Variants in NOVA1 observed in about 807,000 individuals in gnomAD.
NOVA1 encodes the protein RNA-binding protein Nova-1.
In NOVA1, 7 loss-of-function variants were observed where a neutral mutation model predicts 38.0. That is an observed-to-expected ratio of 0.18 (90% confidence interval 0.10 to 0.35). NOVA1 has a LOEUF of 0.35. NOVA1 is among the 10% of genes least tolerant of loss of function. The pLI is 1.00. For missense variants in NOVA1, 460 were observed against 616.0 expected (o/e 0.75, Z 2.68); for synonymous variants, 270 against 232.5 (o/e 1.16, Z -1.47).
intron 2 of NOVA1, among the ~76,000 whole-genome samples, chr14:26,487,188 C>G (rs1885985888): frequency 6.6e-6 from 1 of 152,138 alleles, no homozygotes; most frequent in Admixed American, 6.5e-5. Flanking sequence ...TACATTCTTT[C>G]AGGGGAAAGT....
chr14:26,581,642 T>A (rs1332489099), intron 2 of NOVA1, among the ~76,000 whole-genome samples: 1 of 151,978 alleles, frequency 6.6e-6, no homozygotes, highest in Non-Finnish European at 1.5e-5. Context: ...TTCCTTTCAA[T>A]GGCAAAATTT....
At chr14:26,571,206 G>C (rs1892450550) in intron 2 of NOVA1, among the ~76,000 whole-genome samples, 1 of 151,524 alleles carries the variant, frequency 6.6e-6, no homozygotes, top group Non-Finnish European at 1.5e-5. Context: ...TAGAAACTAG[G>C]ACCCAGAAAA....
intron 2 of NOVA1, among the ~76,000 whole-genome samples, chr14:26,483,552 A>G (rs982897096): frequency 2.0e-5 from 3 of 152,230 alleles, no homozygotes; most frequent in African/African-American, 7.2e-5. Flanking sequence ...GGTATTACCA[A>G]CTGATTTCAA....
chr14:26,456,243 T>TA (rs1239410983), intron 4 of NOVA1, among the ~76,000 whole-genome samples: 1 of 151,924 alleles, frequency 6.6e-6, no homozygotes, highest in Non-Finnish European at 1.5e-5. Flanking sequence ...GCTGTGTTCA[T>TA]TGAAGTAGAT....
At chr14:26,533,647 A>G (rs1383342629) in intron 2 of NOVA1, among the ~76,000 whole-genome samples, 6 of 152,308 alleles carry the variant, frequency 3.9e-5, no homozygotes, top group African/African-American at 1.4e-4. Context: ...GGAAATCGTT[A>G]TCAGAAGTTC....
At chr14:26,492,114 T>A (rs1232118173) in intron 2 of NOVA1, among the ~76,000 whole-genome samples, 2 of 152,200 alleles carry the variant, frequency 1.3e-5, no homozygotes, top group African/African-American at 4.8e-5. Flanking sequence ...TTGGTTAAAT[T>A]TATTTGCAGG....
chr14:26,466,812 T>C (rs1195561910), intron 4 of NOVA1, among the ~76,000 whole-genome samples: 2 of 152,202 alleles, frequency 1.3e-5, no homozygotes, highest in Non-Finnish European at 2.9e-5. Flanking sequence ...TCTTCTGCCA[T>C]GTAGGAACAC....
intron 2 of NOVA1, among the ~76,000 whole-genome samples, chr14:26,498,709 C>G (rs1221124877): frequency 2.6e-5 from 4 of 152,212 alleles, no homozygotes; most frequent in African/African-American, 7.2e-5. Flanking sequence ...GACTACTTCA[C>G]AAAGAGACTT....
chr14:26,480,224 C>A, intron 2 of NOVA1, 81 bp from the exon 3 acceptor site: 1 of 1,242,426 alleles, frequency 8.0e-7, no homozygotes, highest in Non-Finnish European at 1.1e-6. Flanking sequence ...TATCATAACG[C>A]CAAAAAAATG....
chr14:26,473,756 A>G (rs1884770352), intron 3 of NOVA1, among the ~76,000 whole-genome samples: 1 of 152,060 alleles, frequency 6.6e-6, no homozygotes, highest in Non-Finnish European at 1.5e-5. Context: ...TTCTAAAGTT[A>G]AAACCTAAGT....
At chr14:26,534,604 T>C (rs949052026) in intron 2 of NOVA1, among the ~76,000 whole-genome samples, 20 of 151,944 alleles carry the variant, frequency 1.3e-4, no homozygotes, top group African/African-American at 4.8e-4. Context: ...GGAAATAAAA[T>C]AGTATAAAAT....
At chr14:26,554,103 T>A (rs1378200377) in intron 2 of NOVA1, among the ~76,000 whole-genome samples, 1 of 136,928 alleles carries the variant, frequency 7.3e-6, no homozygotes, top group Non-Finnish European at 1.5e-5. Context: ...GAGCCAAGAC[T>A]GCACCACTGC....
chr14:26,459,308 T>C (rs1002457441), intron 4 of NOVA1, among the ~76,000 whole-genome samples: 4 of 152,142 alleles, frequency 2.6e-5, no homozygotes, highest in African/African-American at 4.8e-5. Flanking sequence ...GATATACAAA[T>C]AGTTAACATT....
intron 2 of NOVA1, chr14:26,549,713 G>A: frequency 1.6e-6 from 2 of 1,287,998 alleles, no homozygotes; most frequent in Non-Finnish European, 2.0e-6. Context: ...GTTTCACTCT[G>A]CAGATGGCAC....
chr14:26,592,625 T>C (rs1893926185), intron 2 of NOVA1: 1 of 151,556 alleles, frequency 6.6e-6, no homozygotes, highest in Admixed American at 6.6e-5. Context: ...CAATGCAATA[T>C]CCAGCTGTAC....
At chr14:26,524,694 C>A (rs183724324) in intron 2 of NOVA1, among the ~76,000 whole-genome samples, 1 of 152,094 alleles carries the variant, frequency 6.6e-6, no homozygotes, top group Non-Finnish European at 1.5e-5. Context: ...TCTTCCCATG[C>A]AAAATGTGAA....
At position 26,448,425 on chromosome 14, in the gene NOVA1, T is replaced by C; in HGVS notation, c.1058A>G (p.Asn353Ser). 4 of 1,611,818 alleles carry C rather than the reference T, an allele frequency of 2.5e-6. No homozygotes were observed. Among genetic ancestry groups the C allele is most frequent in the Non-Finnish European group, 3.4e-6 (4 of 1,179,390 alleles). The change falls in exon 5 of 5, where the codon AAC becomes AGC. Residue 353 changes from asparagine (N) to serine (S), a missense_variant. Asn to Ser is a conservative substitution (Grantham distance 46). Coordinates refer to ENST00000539517, the MANE Select transcript of NOVA1 (RefSeq NM_002515.3). The surrounding 1 kb of genome is among the most constrained non-coding windows in gnomAD (Gnocchi z 5.3). Reference protein sequence around the residue: ...GALAAAAASANPAAAAANLLA... With the variant: ...GALAAAAASASPAAAAANLLA... Reference sequence around the variant, plus strand: ...TAAATTGGCTGCTGCTGCTGCTGGGTTGGCACTGGCAGCTGCTGCAGCCAA... The same window carrying C: ...TAAATTGGCTGCTGCTGCTGCTGGGCTGGCACTGGCAGCTGCTGCAGCCAA...
intron 2 of NOVA1, among the ~76,000 whole-genome samples, chr14:26,494,807 T>C (rs1185462204): frequency 6.6e-6 from 1 of 152,204 alleles, no homozygotes; most frequent in Non-Finnish European, 1.5e-5. Flanking sequence ...AATGGTCTGC[T>C]AATTACTGTC....
chr14:26,509,678 T>C (rs1323400029), intron 2 of NOVA1, among the ~76,000 whole-genome samples: 1 of 152,140 alleles, frequency 6.6e-6, no homozygotes, highest in East Asian at 1.9e-4. Context: ...CTTTTATTCA[T>C]GCATATGGGG....
Sources: allele counts gnomAD v4.1 joint callset (sites outside exome capture counted in the v4.1 genomes callset), GRCh38; gene constraint gnomAD v4.1.1; non-coding constraint Gnocchi (gnomAD v3.1); transcripts MANE v1.5; gene names NCBI Gene and HGNC (gene_info 2026-07-23, HGNC 2026-07-21).